The following UBE4B variants were observed in gnomAD, a reference collection of about 807,000 sequenced individuals.
UBE4B encodes the protein ubiquitination factor E4B, also known as ubiquitin conjugation factor E4 B.
UBE4B carries 27 observed loss-of-function variants against 148.1 expected under a neutral mutation model. That is an observed-to-expected ratio of 0.18 (90% CI 0.13 to 0.25). The LOEUF (loss-of-function observed/expected upper bound fraction) is 0.25. UBE4B is among the 10% of genes least tolerant of loss of function. The pLI, the probability that UBE4B is intolerant of heterozygous loss-of-function variation, is 1.00. For missense variants in UBE4B, 1,170 were observed against 1,662.4 expected, an observed-to-expected ratio of 0.70 and a Z score of 5.15; for synonymous variants, 596 against 619.3, an observed-to-expected ratio of 0.96 and a Z score of 0.56.
chr1:10,152,663 C>T (rs955261829), intron 21 of UBE4B, among the ~76,000 whole-genome samples: 7 of 151,676 alleles, frequency 4.6e-5, no homozygotes, highest in Middle Eastern at 3.4e-3. Flanking sequence ...CTGGGTGTGG[C>T]GGGCGGCGCC....
At position 10,146,986 on chromosome 1, in the gene UBE4B, T is replaced by G; in HGVS notation, c.2487T>G (p.Cys829Trp). ...QLKKLVRCKA[C>W]ADAGLLDESF... ...AGAAACTGGTACGGTGCAAGGCCTG[T>G]GCTGATGCTGGCCTACTTGACGAGA... is the stretch of plus-strand genomic sequence containing the variant. Residue 829 changes from cysteine to tryptophan, a missense_variant, in exon 19 of 28, where the codon TGT becomes TGG. By Grantham distance (215) the Cys-to-Trp change is radical. Transcript: ENST00000343090. The G allele has an allele frequency of 6.2e-7, 1 of 1,614,160 alleles. No homozygotes were observed. Among genetic ancestry groups the G allele is most frequent in the Non-Finnish European group, 8.5e-7 (1 of 1,180,026 alleles).
chr1:10,056,665 C>G (rs974455163), intron 1 of UBE4B, among the ~76,000 whole-genome samples: 31 of 152,200 alleles, frequency 2.0e-4, no homozygotes, highest in African/African-American at 7.2e-4. Flanking sequence ...AATCGAGGCT[C>G]AGAGAGATAA....
chr1:10,107,279 TGAAGAAGATGAA>T (rs766629409), intron 7 of UBE4B: 18 of 1,289,476 alleles, frequency 1.4e-5, no homozygotes, highest in South Asian at 6.2e-5. Context: ...ACAGTAGTGA[TGAAGAAGATGAA>T]GAAGAAGATG....
At chr1:10,135,242 T>C in intron 16 of UBE4B, 56 bp downstream of exon 16, 1 of 1,498,230 alleles carries the variant, frequency 6.7e-7, no homozygotes, top group Non-Finnish European at 9.2e-7. Flanking sequence ...GTCTGTGTGC[T>C]AGTAGTTCCT....
At chr1:10,080,078 A>T (rs781748138) in intron 2 of UBE4B, among the ~76,000 whole-genome samples, 1 of 152,122 alleles carries the variant, frequency 6.6e-6, no homozygotes, top group African/African-American at 2.4e-5. Flanking sequence ...GCTCCCGGCT[A>T]TGCATTGTAG....
At chr1:10,051,893 T>A (rs1644053414) in intron 1 of UBE4B, among the ~76,000 whole-genome samples, 1 of 152,194 alleles carries the variant, frequency 6.6e-6, no homozygotes, top group Admixed American at 6.5e-5. Flanking sequence ...CTGCTAAATC[T>A]TTGGCATCTT....
At chr1:10,154,996 TAA>T (rs1284489610) in intron 21 of UBE4B, among the ~76,000 whole-genome samples, 1 of 152,138 alleles carries the variant, frequency 6.6e-6, no homozygotes, top group Non-Finnish European at 1.5e-5. Context: ...TTGTTAGTAG[TAA>T]AGACAAAACA....
chr1:10,175,433 C>T lies in UBE4B; in HGVS notation c.3526-3211C>T, dbSNP rs533135742. On this transcript the variant is annotated intron_variant, in intron 25 of 27. Transcript: ENST00000343090. ...TTGGGAGGCCAAGGCGGGCGGATCA[C>T]AAGGTCAGGAGATCGAGACCGTCCT... is the stretch of plus-strand genomic sequence containing the variant. 2.8e-3 allele frequency among the ~76,000 whole-genome samples: 431 copies of T among 151,898 alleles called. 1 individual carries two copies. Among genetic ancestry groups the T allele is most frequent in the African/African-American group, 8.9e-3 (369 of 41,302 alleles).
intron 10 of UBE4B, among the ~76,000 whole-genome samples, chr1:10,124,330 T>C (rs1645457892): frequency 6.6e-6 from 1 of 152,068 alleles, no homozygotes; most frequent in Non-Finnish European, 1.5e-5. Context: ...CCCAGCTAAT[T>C]TTTGTATTTT....
chr1:10,074,585 G>A (rs1421238497), intron 2 of UBE4B, among the ~76,000 whole-genome samples: 1 of 152,106 alleles, frequency 6.6e-6, no homozygotes, highest in Non-Finnish European at 1.5e-5. Flanking sequence ...TGGTTGCTCT[G>A]AGTCACTGTC....
chr1:10,054,545 T>C, intron 1 of UBE4B: 1 of 333,668 alleles, frequency 3.0e-6, no homozygotes, highest in South Asian at 3.0e-5. Flanking sequence ...CTTTCTTCTT[T>C]TTCTGATCAT....
chr1:10,142,038 C>G (rs1050154106), intron 17 of UBE4B, among the ~76,000 whole-genome samples: 10 of 139,232 alleles, frequency 7.2e-5, no homozygotes, highest in Non-Finnish European at 1.5e-4. Flanking sequence ...AAATCTGAAG[C>G]CTGTCATTTT....
intron 25 of UBE4B, among the ~76,000 whole-genome samples, chr1:10,177,943 G>A (rs1197355662): frequency 6.6e-6 from 1 of 151,954 alleles, no homozygotes; most frequent in African/African-American, 2.4e-5. Flanking sequence ...CAGCTGGTAG[G>A]TGGTAGAGCC....
At chr1:10,094,661 C>A (rs945914819) in intron 2 of UBE4B, among the ~76,000 whole-genome samples, 2 of 151,982 alleles carry the variant, frequency 1.3e-5, no homozygotes, top group Non-Finnish European at 2.9e-5. Context: ...GTCTCAATCT[C>A]CTGACCTTGT....
intron 1 of UBE4B, among the ~76,000 whole-genome samples, chr1:10,035,136 C>T (rs1327315738): frequency 2.0e-5 from 3 of 151,492 alleles, no homozygotes; most frequent in Non-Finnish European, 2.9e-5. Context: ...GTAGCTGGGA[C>T]TACAGGCGCC....
At chr1:10,178,029 A>G (rs899350050) in intron 25 of UBE4B, among the ~76,000 whole-genome samples, 6 of 152,118 alleles carry the variant, frequency 3.9e-5, no homozygotes, top group African/African-American at 1.4e-4. Context: ...TCCTGGGGAC[A>G]TAAATCGTGT....
chr1:10,110,914 TGA>T (rs1645206648), intron 7 of UBE4B, among the ~76,000 whole-genome samples: 1 of 152,010 alleles, frequency 6.6e-6, no homozygotes, highest in Non-Finnish European at 1.5e-5. Flanking sequence ...GAGGCTTGTC[TGA>T]GCCCACGAGT....
At position 10,179,452 on chromosome 1, in the gene UBE4B, G is replaced by A. The variant is rs1264482027; in HGVS notation, c.3737G>A (p.Arg1246Gln). ...GACACCCTCATGACAGACCCCGTGC[G>A]GCTGCCCTCTGGCACCATCATGGAC... ...LMDTLMTDPV[R>Q]LPSGTIMDRS... The change falls in exon 27 of 28, where the codon CGG becomes CAG. Residue 1246 changes from arginine to glutamine, a missense_variant. Arg to Gln is a conservative substitution (Grantham distance 43). Coordinates refer to ENST00000343090, the MANE Select transcript of UBE4B (RefSeq NM_001105562.3). 9.9e-6 allele frequency: 16 copies of A among 1,613,818 alleles called. No homozygotes were observed. The highest frequency in any genetic ancestry group is 2.7e-5 in the African/African-American group (2 of 74,854).
chr1:10,117,152 G>A (rs1434216844), intron 7 of UBE4B, among the ~76,000 whole-genome samples: 1 of 152,132 alleles, frequency 6.6e-6, no homozygotes, highest in Non-Finnish European at 1.5e-5. Flanking sequence ...ATTCTTTTTG[G>A]TTAAAGTACC....
Sources: gnomAD v4.1 joint callset for allele counts (sites outside exome capture counted in the v4.1 genomes callset) on GRCh38, gnomAD v4.1.1 for gene constraint, MANE v1.5 for transcripts, NCBI Gene and HGNC (gene_info 2026-07-23, HGNC 2026-07-21) for gene names.